Variants in THEMIS observed in about 807,000 individuals in gnomAD.
The protein encoded by THEMIS is thymocyte selection associated, also known as protein THEMIS.
A neutral mutation model predicts 52.6 loss-of-function variants in THEMIS; 37 were observed. That is an observed-to-expected ratio of 0.70 (90% confidence interval 0.54 to 0.93). THEMIS has a LOEUF of 0.93. Among genes scored for constraint, THEMIS ranks in the 40% least tolerant of loss-of-function variants. The probability of loss-of-function intolerance (pLI) is 0.00; values close to 1 mark genes in which losing one functional copy is unlikely to be tolerated. For missense variants in THEMIS, 808 were observed against 763.1 expected (o/e 1.06, Z -0.69); for synonymous variants, 292 against 272.7 (o/e 1.07, Z -0.70).
chr6:127,812,987 G>A lies in THEMIS; in HGVS notation c.1654C>T (p.His552Tyr). The A allele has an allele frequency of 2.5e-6, 4 of 1,614,088 alleles. No individual in the cohort carries two copies. The highest frequency in any genetic ancestry group is 1.1e-5 in the South Asian group (1 of 91,080). ...MMRRYESSASHPPPRPPKHPS... is the reference protein window; with the variant it reads ...MMRRYESSASYPPPRPPKHPS... ...TGTTTCGGAGGGCGAGGTGGGGGAT[G>A]TGAGGCTGAGCTTTCATATCTCCGC... Residue 552 changes from histidine to tyrosine, a missense_variant, in exon 4 of 6, where the codon CAT (histidine) becomes TAT (tyrosine). Coordinates refer to ENST00000368248, the MANE Select transcript of THEMIS (RefSeq NM_001010923.3).
At chr6:127,764,310 T>C (rs754004890) in intron 4 of THEMIS, among the ~76,000 whole-genome samples, 2 of 150,428 alleles carry the variant, frequency 1.3e-5, no homozygotes, top group East Asian at 3.9e-4. Flanking sequence ...TTTGTTGAAC[T>C]CTATAATCTT....
intron 2 of THEMIS, among the ~76,000 whole-genome samples, chr6:127,831,848 A>G (rs1044844309): frequency 3.9e-5 from 6 of 152,124 alleles, no homozygotes; most frequent in Non-Finnish European, 5.9e-5. Context: ...TTCTCATTTT[A>G]TTATATCCTG....
intron 4 of THEMIS, among the ~76,000 whole-genome samples, chr6:127,783,583 C>G (rs1334400776): frequency 6.6e-6 from 1 of 152,238 alleles, no homozygotes; most frequent in Admixed American, 6.5e-5. Context: ...AGGATATGAA[C>G]AGATACTTCT....
At chr6:127,816,260 T>C (rs1345194458) in intron 3 of THEMIS, among the ~76,000 whole-genome samples, 1 of 142,098 alleles carries the variant, frequency 7.0e-6, no homozygotes, top group African/African-American at 2.6e-5. Context: ...GTGTCTTGGT[T>C]CTCTTTTTCC....
chr6:127,734,578 T>G (rs1482739984), intron 4 of THEMIS, among the ~76,000 whole-genome samples: 1 of 151,774 alleles, frequency 6.6e-6, no homozygotes, highest in Non-Finnish European at 1.5e-5. Flanking sequence ...TGAGGGTGCA[T>G]AAAAAATGGA....
At chr6:127,854,173 C>A (rs1332105831) in intron 2 of THEMIS, among the ~76,000 whole-genome samples, 1 of 151,714 alleles carries the variant, frequency 6.6e-6, no homozygotes, top group Admixed American at 6.6e-5. Flanking sequence ...CAGAGGTCAG[C>A]AAACTACAGT....
At chr6:127,762,478 C>A (rs960909009) in intron 4 of THEMIS, among the ~76,000 whole-genome samples, 3 of 152,018 alleles carry the variant, frequency 2.0e-5, no homozygotes, top group Non-Finnish European at 4.4e-5. Flanking sequence ...AAATCTAAAG[C>A]GCTTATCATT....
chr6:127,915,435 A>T (rs1781501013), intron 1 of THEMIS, among the ~76,000 whole-genome samples: 1 of 152,188 alleles, frequency 6.6e-6, no homozygotes, highest in African/African-American at 2.4e-5. Flanking sequence ...GAACATTCAC[A>T]GATTTCACAG....
intron 2 of THEMIS, among the ~76,000 whole-genome samples, chr6:127,849,176 A>G (rs954987658): frequency 1.3e-5 from 2 of 151,996 alleles, no homozygotes; most frequent in African/African-American, 4.8e-5. Context: ...CATTTATTAA[A>G]TAGGGAATCC....
intron 2 of THEMIS, among the ~76,000 whole-genome samples, chr6:127,852,376 A>G (rs1779458309): frequency 6.6e-6 from 1 of 151,578 alleles, no homozygotes; most frequent in Non-Finnish European, 1.5e-5. Flanking sequence ...AACAATACAC[A>G]TAAACCAACA....
At chr6:127,877,492 C>T (rs949163865) in intron 1 of THEMIS, among the ~76,000 whole-genome samples, 1 of 151,992 alleles carries the variant, frequency 6.6e-6, no homozygotes, top group Admixed American at 6.6e-5. Context: ...ATTTAAGAGG[C>T]CAGCATAGGG....
At chr6:127,770,311 C>G (rs1348278673) in intron 4 of THEMIS, among the ~76,000 whole-genome samples, 1 of 152,136 alleles carries the variant, frequency 6.6e-6, no homozygotes, top group Non-Finnish European at 1.5e-5. Context: ...TAATGATCAC[C>G]ATTCTGACTG....
chr6:127,900,107 AAT>A (rs1212149701), intron 1 of THEMIS, among the ~76,000 whole-genome samples: 3 of 151,714 alleles, frequency 2.0e-5, no homozygotes, highest in African/African-American at 7.3e-5. Flanking sequence ...TGAGGCCAGA[AAT>A]ACACCTACAG....
At chr6:127,833,014 C>T (rs754694879) in intron 2 of THEMIS, among the ~76,000 whole-genome samples, 32 of 151,784 alleles carry the variant, frequency 2.1e-4, no homozygotes, top group Non-Finnish European at 4.6e-4. Flanking sequence ...GAACTCCTGA[C>T]CTCAGGTGAT....
intron 4 of THEMIS, among the ~76,000 whole-genome samples, chr6:127,787,285 C>T (rs924191684): frequency 6.6e-6 from 1 of 152,080 alleles, no homozygotes; most frequent in Non-Finnish European, 1.5e-5. Flanking sequence ...CGCACACACA[C>T]ACACACACAC....
chr6:127,731,864 A>ATTTTTTTTTTTTTTT lies in THEMIS; in HGVS notation c.1759-12056_1759-12042dup, dbSNP rs58263706. ...AGGTGCATGCCACCATGCCCGGCTA[A>ATTTTTTTTTTTTTTT]TTTTTTTTTTTTTTTTTTTTTTTAG... On this transcript the variant is annotated intron_variant, in intron 4 of 5. Transcript: ENST00000368248. Among the ~76,000 whole-genome samples the ATTTTTTTTTTTTTTT allele has an allele frequency of 1.0e-3, 43 of 41,708 alleles. 9 individuals are homozygous for ATTTTTTTTTTTTTTT. The highest frequency in any genetic ancestry group is 3.4e-3 in the South Asian group (2 of 594). The allele number at this position is 41,708 out of a possible 152,430, so 27.4% of individuals were successfully genotyped here.
At chr6:127,776,037 T>A (rs181978923) in intron 4 of THEMIS, among the ~76,000 whole-genome samples, 1 of 152,392 alleles carries the variant, frequency 6.6e-6, no homozygotes, top group African/African-American at 2.4e-5. Context: ...CTTTGACCCA[T>A]GTATTCTTTA....
At chr6:127,848,947 A>G (rs1779321155) in intron 2 of THEMIS, among the ~76,000 whole-genome samples, 2 of 151,976 alleles carry the variant, frequency 1.3e-5, no homozygotes, top group African/African-American at 4.8e-5. Context: ...CCATTTGTCA[A>G]TTTTGGCTTT....
intron 4 of THEMIS, among the ~76,000 whole-genome samples, chr6:127,800,108 T>G (rs1347656805): frequency 6.6e-6 from 1 of 152,192 alleles, no homozygotes; most frequent in African/African-American, 2.4e-5. Flanking sequence ...ATGAGCTTTT[T>G]CTCATCTGTA....
Sources: allele counts gnomAD v4.1 joint callset (sites outside exome capture counted in the v4.1 genomes callset), GRCh38; gene constraint gnomAD v4.1.1; transcripts MANE v1.5; gene names NCBI Gene and HGNC (gene_info 2026-07-23, HGNC 2026-07-21).